Variants in IGSF10 observed in about 807,000 individuals in gnomAD.
The protein encoded by IGSF10 is calvaria mechanical force protein 608.
In IGSF10, 126 loss-of-function variants were observed where a neutral mutation model predicts 128.2. That is an observed-to-expected ratio of 0.98 (90% confidence interval 0.85 to 1.14). The LOEUF is 1.14. Ranked by LOEUF, IGSF10 falls within the 50% of genes most tolerant of loss-of-function variation. The pLI is 0.00. For missense variants in IGSF10, 3,295 were observed against 3,149.8 expected (o/e 1.05, Z -1.10); for synonymous variants, 1,185 against 1,146.2 (o/e 1.03, Z -0.68).
chr3:151,546,035 G>A, the IGSF10 span, among the ~76,000 whole-genome samples: 1 of 147,138 alleles, frequency 6.8e-6, no homozygotes, highest in African/African-American at 2.5e-5. Context: ...GAGATCATAT[G>A]TGGCCACAAA....
At chr3:151,545,015 T>A in the IGSF10 span, among the ~76,000 whole-genome samples, 1 of 152,228 alleles carries the variant, frequency 6.6e-6, no homozygotes, top group Non-Finnish European at 1.5e-5. Flanking sequence ...ATTTTCTATT[T>A]TAGTTATTCT....
chr3:151,444,427 C>T (rs1326605442), intron 6 of IGSF10, among the ~76,000 whole-genome samples: 2 of 152,182 alleles, frequency 1.3e-5, no homozygotes, highest in Non-Finnish European at 2.9e-5. Flanking sequence ...TCTGTCTCAG[C>T]CTCCCGAGTA....
chr3:151,539,765 CATCTATCTATCTATCTATCT>C, the IGSF10 span, among the ~76,000 whole-genome samples: 6 of 146,484 alleles, frequency 4.1e-5, no homozygotes, highest in Admixed American at 6.9e-5. Context: ...ATTTCAACAG[CATCTATCTATCTATCTATCT>C]ATCTATCTAT....
chr3:151,586,698 G>A, the IGSF10 span, among the ~76,000 whole-genome samples: 1 of 152,150 alleles, frequency 6.6e-6, no homozygotes, highest in Admixed American at 6.5e-5. Flanking sequence ...CTGTTTCATT[G>A]TGAAGAGATG....
chr3:151,514,780 A>T, the IGSF10 span, among the ~76,000 whole-genome samples: 1 of 152,152 alleles, frequency 6.6e-6, no homozygotes, highest in Admixed American at 6.5e-5. Flanking sequence ...AGAAAAAAAC[A>T]AACAACCCCA....
the IGSF10 span, among the ~76,000 whole-genome samples, chr3:151,540,249 C>T: frequency 1.2e-4 from 18 of 152,186 alleles, no homozygotes; most frequent in South Asian, 4.2e-4. Flanking sequence ...AACACTAGAT[C>T]GAAAAACAGA....
rs540940513 is a variant in IGSF10 at position 151,458,529 on chromosome 3, G to A, written c.181C>T (p.Arg61Cys). The A allele has an allele frequency of 3.9e-5, 63 of 1,613,282 alleles. No individual in the cohort carries two copies. Among genetic ancestry groups the A allele is most frequent in the South Asian group, 1.2e-4 (11 of 90,978 alleles). ...IPDSIPPNVE[R>C]INLGYNSLVR... ...GGTCTCACACACCCTAAATTGATGC[G>A]TTCCACATTGGGCGGGATGCTGTCT... Residue 61 changes from arginine to cysteine, a missense_variant, in exon 3 of 8, where the codon CGC becomes TGC. Arg to Cys is a radical substitution (Grantham distance 180, BLOSUM62 -3). Coordinates refer to ENST00000282466, the MANE Select transcript of IGSF10 (RefSeq NM_178822.5).
At chr3:151,439,843 C>G (rs961233121) in intron 7 of IGSF10, among the ~76,000 whole-genome samples, 1 of 152,146 alleles carries the variant, frequency 6.6e-6, no homozygotes, top group Non-Finnish European at 1.5e-5. Context: ...CTTTTTTAGA[C>G]CAGTGGAGAC....
At chr3:151,567,512 G>A in the IGSF10 span, among the ~76,000 whole-genome samples, 1 of 152,152 alleles carries the variant, frequency 6.6e-6, no homozygotes, top group Non-Finnish European at 1.5e-5. Flanking sequence ...GGCATCTTGG[G>A]CCTCACAGAT....
chr3:151,526,462 A>G, the IGSF10 span, among the ~76,000 whole-genome samples: 2,086 of 152,028 alleles, frequency 0.014, 42 homozygotes, highest in African/African-American at 0.048. Flanking sequence ...GCATCATTTT[A>G]TTTTTTAATA....
chr3:151,519,202 T>C, the IGSF10 span, among the ~76,000 whole-genome samples: 1 of 151,866 alleles, frequency 6.6e-6, no homozygotes, highest in Admixed American at 6.6e-5. Context: ...CATGTGTCTG[T>C]GGAGACTATG....
At chr3:151,500,201 T>C in the IGSF10 span, among the ~76,000 whole-genome samples, 1 of 152,262 alleles carries the variant, frequency 6.6e-6, no homozygotes, top group Admixed American at 6.6e-5. Context: ...AATGTAACCT[T>C]ATTTTCTATT....
At chr3:151,528,191 G>A in the IGSF10 span, among the ~76,000 whole-genome samples, 2 of 152,072 alleles carry the variant, frequency 1.3e-5, no homozygotes, top group South Asian at 2.1e-4. Context: ...TATTAGCAGT[G>A]AACTTGAAAC....
chr3:151,606,563 G>A, the IGSF10 span, among the ~76,000 whole-genome samples: 2 of 152,258 alleles, frequency 1.3e-5, no homozygotes, highest in Non-Finnish European at 1.5e-5. Flanking sequence ...GGCTGATCAG[G>A]TCCCTGCTCC....
At chr3:151,548,594 TTTTG>T in the IGSF10 span, among the ~76,000 whole-genome samples, 1 of 152,348 alleles carries the variant, frequency 6.6e-6, no homozygotes, top group South Asian at 2.1e-4. Context: ...AGGATTTCAT[TTTTG>T]TTTTTCAGTG....
At position 151,447,058 on chromosome 3, in the gene IGSF10, G is replaced by T. The variant is rs767135442; in HGVS notation, c.2923C>A (p.Gln975Lys). The T allele has an allele frequency of 1.2e-6, 2 of 1,614,126 alleles. No individual in the cohort carries two copies. Among genetic ancestry groups the T allele is most frequent in the East Asian group, 4.5e-5 (2 of 44,888 alleles). Residue 975 changes from glutamine (Q) to lysine (K), a missense_variant, in exon 6 of 8, where the codon CAA (glutamine) becomes AAA (lysine). By Grantham distance (53) the Gln-to-Lys change is moderately conservative. Transcript: ENST00000282466. ...GGGAACGTGGAGGTGCTAAGTATTT[G>T]AGTAGTGTGAGAATAGAAGTGATTG... ...RHNHFYSHTT[Q>K]ILSTSTFPSD...
chr3:151,556,526 A>C, the IGSF10 span, among the ~76,000 whole-genome samples: 1 of 152,206 alleles, frequency 6.6e-6, no homozygotes, highest in East Asian at 1.9e-4. Flanking sequence ...AAGAAGCTTT[A>C]GTAAACAGTA....
the IGSF10 span, among the ~76,000 whole-genome samples, chr3:151,541,595 C>T: frequency 1.3e-5 from 2 of 152,082 alleles, no homozygotes; most frequent in Non-Finnish European, 2.9e-5. Flanking sequence ...TTTATATTGT[C>T]CTTTTTGATA....
chr3:151,590,929 G>C, the IGSF10 span, among the ~76,000 whole-genome samples: 1 of 152,174 alleles, frequency 6.6e-6, no homozygotes, highest in South Asian at 2.1e-4. Context: ...AGTCACTGAA[G>C]GTTTTTGAGT....
Sources: allele counts gnomAD v4.1 joint callset (sites outside exome capture counted in the v4.1 genomes callset), GRCh38; gene constraint gnomAD v4.1.1; transcripts MANE v1.5; gene names NCBI Gene and HGNC (gene_info 2026-07-23, HGNC 2026-07-21).